Variants in NCKAP5 observed in about 807,000 individuals in gnomAD.
The protein encoded by NCKAP5 is NCK associated protein 5.
In NCKAP5, 92 loss-of-function variants were observed where a neutral mutation model predicts 167.0. The observed-to-expected ratio is 0.55, with a 90% CI of 0.47 to 0.66. The LOEUF (loss-of-function observed/expected upper bound fraction) is 0.66. Ranked by LOEUF, NCKAP5 falls within the 30% of genes least tolerant of loss-of-function variation. NCKAP5 has a pLI of 0.00. For missense variants in NCKAP5, 2,378 were observed against 2,315.0 expected, an observed-to-expected ratio of 1.03 and a Z score of -0.56; for synonymous variants, 891 against 877.4, an observed-to-expected ratio of 1.02 and a Z score of -0.27.
chr2:133,250,325 C>T (rs1213196315), intron 4 of NCKAP5, among the ~76,000 whole-genome samples: 2 of 152,132 alleles, frequency 1.3e-5, no homozygotes, highest in South Asian at 2.1e-4. Context: ...GCTTCACCAC[C>T]GTACATTTCC....
chr2:133,284,461 T>C (rs191718752), intron 4 of NCKAP5, among the ~76,000 whole-genome samples: 1 of 152,228 alleles, frequency 6.6e-6, no homozygotes, highest in African/African-American at 2.4e-5. Flanking sequence ...TGTTTGAAGT[T>C]GACATCAAAG....
chr2:133,333,231 T>C (rs907259209), intron 3 of NCKAP5, among the ~76,000 whole-genome samples: 2 of 152,140 alleles, frequency 1.3e-5, no homozygotes, highest in Non-Finnish European at 2.9e-5. Context: ...TTTTCAGAGT[T>C]GCTCCAGGCA....
chr2:133,309,526 T>A (rs1161089079), intron 3 of NCKAP5, among the ~76,000 whole-genome samples: 1 of 152,224 alleles, frequency 6.6e-6, no homozygotes, highest in Non-Finnish European at 1.5e-5. Context: ...GTTTTAAAAA[T>A]TTTACAAAGG....
intron 1 of NCKAP5, among the ~76,000 whole-genome samples, chr2:133,563,320 C>G (rs1385372842): frequency 6.6e-6 from 1 of 152,094 alleles, no homozygotes; most frequent in Admixed American, 6.5e-5. Context: ...CCTGTAACCC[C>G]AGCACTTTGG....
At chr2:133,623,544 G>C in the NCKAP5 span, among the ~76,000 whole-genome samples, 2 of 151,508 alleles carry the variant, frequency 1.3e-5, no homozygotes. Flanking sequence ...CAAGCATATG[G>C]AAAAATGTTC....
chr2:133,172,302 C>G (rs943138694), intron 5 of NCKAP5, among the ~76,000 whole-genome samples: 1 of 152,108 alleles, frequency 6.6e-6, no homozygotes, highest in Non-Finnish European at 1.5e-5. Context: ...AACAAATAAC[C>G]CTAACACTCC....
intron 3 of NCKAP5, among the ~76,000 whole-genome samples, chr2:133,330,829 T>C (rs1402660076): frequency 6.6e-6 from 1 of 152,146 alleles, no homozygotes; most frequent in Non-Finnish European, 1.5e-5. Flanking sequence ...CCCCGGGATT[T>C]AAGTTTGCAG....
chr2:133,006,660 T>G (rs1218404375), intron 6 of NCKAP5, among the ~76,000 whole-genome samples: 1 of 152,084 alleles, frequency 6.6e-6, no homozygotes, highest in Non-Finnish European at 1.5e-5. Context: ...TCATTAAAGC[T>G]TGGAGAGGTC....
At chr2:133,224,472 C>T (rs1018055902) in intron 4 of NCKAP5, among the ~76,000 whole-genome samples, 23 of 152,192 alleles carry the variant, frequency 1.5e-4, no homozygotes, top group African/African-American at 5.5e-4. Context: ...TACCTGTACT[C>T]CCTACTACAA....
intron 11 of NCKAP5, among the ~76,000 whole-genome samples, chr2:132,798,639 C>T (rs1372262196): frequency 6.6e-6 from 1 of 152,140 alleles, no homozygotes; most frequent in Admixed American, 6.5e-5. Context: ...CATCTAAAAA[C>T]CTGCCCTCCT....
intron 11 of NCKAP5, among the ~76,000 whole-genome samples, chr2:132,847,348 T>A (rs987072332): frequency 6.6e-6 from 1 of 152,088 alleles, no homozygotes; most frequent in East Asian, 1.9e-4. Flanking sequence ...AACCAAGAAG[T>A]TAGTATTGTT....
intron 2 of NCKAP5, among the ~76,000 whole-genome samples, chr2:133,523,974 T>C (rs1321825776): frequency 3.9e-5 from 6 of 152,162 alleles, no homozygotes; most frequent in Non-Finnish European, 8.8e-5. Context: ...CTCTGGGGTA[T>C]AGGCTGCAGG....
intron 4 of NCKAP5, among the ~76,000 whole-genome samples, chr2:133,258,270 G>A (rs550062160): frequency 6.6e-6 from 1 of 152,264 alleles, no homozygotes; most frequent in East Asian, 1.9e-4. Context: ...AACTACTTGT[G>A]ACTAGGCCCC....
chr2:132,836,367 C>T (rs1687884202), intron 11 of NCKAP5, among the ~76,000 whole-genome samples: 2 of 151,996 alleles, frequency 1.3e-5, no homozygotes, highest in African/African-American at 2.4e-5. Flanking sequence ...AAATGGCGCA[C>T]TCCATGACCT....
chr2:133,203,586 A>T (rs2085805371), intron 5 of NCKAP5, among the ~76,000 whole-genome samples: 1 of 152,172 alleles, frequency 6.6e-6, no homozygotes, highest in East Asian at 1.9e-4. Flanking sequence ...GCCTTATTTG[A>T]AAATGGAACA....
At chr2:133,030,165 G>A (rs1464246816) in intron 6 of NCKAP5, among the ~76,000 whole-genome samples, 1 of 152,190 alleles carries the variant, frequency 6.6e-6, no homozygotes, top group Non-Finnish European at 1.5e-5. Context: ...TTTAATCACT[G>A]AGAAATTTCC....
chr2:133,542,906 A>G (rs755548774), intron 2 of NCKAP5, among the ~76,000 whole-genome samples: 18 of 152,210 alleles, frequency 1.2e-4, no homozygotes, highest in Non-Finnish European at 2.2e-4. Context: ...TATTTATAAA[A>G]TGGAAATAAC....
intron 4 of NCKAP5, chr2:133,265,061 G>C (rs944701918): frequency 6.6e-6 from 1 of 152,214 alleles, no homozygotes; most frequent in Non-Finnish European, 1.5e-5. Flanking sequence ...GACTGAGGAA[G>C]GGATACTGAT....
intron 3 of NCKAP5, among the ~76,000 whole-genome samples, chr2:133,409,749 C>G (rs1688662759): frequency 1.3e-5 from 2 of 151,998 alleles, no homozygotes; most frequent in South Asian, 4.2e-4. Context: ...CTAAAGGAGC[C>G]CATGACTTAA....
Sources: allele counts gnomAD v4.1 joint callset (sites outside exome capture counted in the v4.1 genomes callset), GRCh38; gene constraint gnomAD v4.1.1; transcripts MANE v1.5; gene names NCBI Gene and HGNC (gene_info 2026-07-23, HGNC 2026-07-21).